The following FRMD4A variants were observed in gnomAD, a reference collection of about 807,000 sequenced individuals.
The protein encoded by FRMD4A is FERM domain containing 4A.
A neutral mutation model predicts 129.1 loss-of-function variants in FRMD4A; 29 were observed. That is an observed-to-expected ratio of 0.22 (90% CI 0.17 to 0.31). The LOEUF (loss-of-function observed/expected upper bound fraction) is 0.31, where lower values mean the gene tolerates loss of function less well. Ranked by LOEUF, FRMD4A falls within the 10% of genes least tolerant of loss-of-function variation. The pLI, the probability that FRMD4A is intolerant of heterozygous loss-of-function variation, is 1.00. For synonymous variants in FRMD4A, 634 were observed against 571.6 expected, an observed-to-expected ratio of 1.11 and a Z score of -1.56; for missense variants, 1,272 against 1,375.8, an observed-to-expected ratio of 0.92 and a Z score of 1.19.
intron 2 of FRMD4A, among the ~76,000 whole-genome samples, chr10:14,060,571 C>G (rs989939388): frequency 6.6e-6 from 1 of 152,086 alleles, no homozygotes; most frequent in African/African-American, 2.4e-5. Flanking sequence ...AAGCACTGGG[C>G]CTATTTTATT....
At chr10:13,674,136 T>C (rs1403324313) in intron 16 of FRMD4A, among the ~76,000 whole-genome samples, 2 of 152,176 alleles carry the variant, frequency 1.3e-5, no homozygotes, top group African/African-American at 4.8e-5. Flanking sequence ...AAACACCAGA[T>C]CACAGGGTCT....
At chr10:14,213,396 A>G (rs1270871535) in intron 2 of FRMD4A, among the ~76,000 whole-genome samples, 2 of 152,216 alleles carry the variant, frequency 1.3e-5, no homozygotes, top group Non-Finnish European at 2.9e-5. Flanking sequence ...CTCAACAGCC[A>G]TGTGAGGTAG....
chr10:14,185,672 G>T (rs1218728299), intron 2 of FRMD4A, among the ~76,000 whole-genome samples: 2 of 152,102 alleles, frequency 1.3e-5, no homozygotes, highest in South Asian at 2.1e-4. Flanking sequence ...GTGCAGATGA[G>T]CAGAAGAGAG....
chr10:14,025,907 C>T (rs1310357023), intron 2 of FRMD4A, among the ~76,000 whole-genome samples: 1 of 152,158 alleles, frequency 6.6e-6, no homozygotes, highest in Non-Finnish European at 1.5e-5. Context: ...AAGAAAGATA[C>T]TGCTTTGGAC....
chr10:13,846,540 G>A (rs1157654314), intron 3 of FRMD4A, among the ~76,000 whole-genome samples: 1 of 152,224 alleles, frequency 6.6e-6, no homozygotes, highest in Non-Finnish European at 1.5e-5. Context: ...TGGTCTACAA[G>A]ACTCTATAGT....
intron 19 of FRMD4A, among the ~76,000 whole-genome samples, chr10:13,661,206 T>C (rs2082615527): frequency 6.6e-6 from 1 of 152,224 alleles, no homozygotes; most frequent in African/African-American, 2.4e-5. Context: ...ACAAAGATTA[T>C]GTATTAATAA....
chr10:13,964,188 G>A (rs1342350031), intron 2 of FRMD4A, among the ~76,000 whole-genome samples: 1 of 149,748 alleles, frequency 6.7e-6, no homozygotes, highest in Admixed American at 6.6e-5. Context: ...GATGACGGAC[G>A]CGGTTTCTAC....
intron 2 of FRMD4A, among the ~76,000 whole-genome samples, chr10:13,958,511 T>C (rs1380134320): frequency 1.3e-5 from 2 of 151,900 alleles, no homozygotes; most frequent in Non-Finnish European, 2.9e-5. Context: ...TCTTGATCTC[T>C]TGACCTTGTG....
intron 2 of FRMD4A, among the ~76,000 whole-genome samples, chr10:14,058,934 T>C (rs1405059310): frequency 8.0e-5 from 4 of 50,172 alleles, no homozygotes; most frequent in Non-Finnish European, 2.9e-4. Context: ...GGTGGGATGA[T>C]CAAGGGAAAA....
chr10:13,873,549 T>G (rs1441288113), intron 2 of FRMD4A, among the ~76,000 whole-genome samples: 1 of 152,180 alleles, frequency 6.6e-6, no homozygotes, highest in African/African-American at 2.4e-5. Context: ...TTATTTAAAT[T>G]AGTTAATTTA....
At chr10:14,179,548 C>T (rs780067108) in intron 2 of FRMD4A, among the ~76,000 whole-genome samples, 5 of 152,082 alleles carry the variant, frequency 3.3e-5, no homozygotes, top group African/African-American at 1.2e-4. Flanking sequence ...TATAAATATC[C>T]GAACCTAGCA....
intron 2 of FRMD4A, among the ~76,000 whole-genome samples, chr10:14,132,773 A>G (rs146694472): frequency 6.6e-4 from 101 of 152,360 alleles, no homozygotes; most frequent in Middle Eastern, 6.8e-3. Context: ...CCCAGCTGCC[A>G]GAGGGCCTGC....
chr10:14,141,045 C>A (rs1461930034), intron 2 of FRMD4A, among the ~76,000 whole-genome samples: 3 of 151,980 alleles, frequency 2.0e-5, no homozygotes, highest in African/African-American at 7.3e-5. Flanking sequence ...GGAGGTGGAG[C>A]ACAGGCCTGG....
At chr10:13,685,985 C>T (rs978593273) in intron 15 of FRMD4A, among the ~76,000 whole-genome samples, 23 of 152,190 alleles carry the variant, frequency 1.5e-4, no homozygotes, top group African/African-American at 5.6e-4. Context: ...ACTCTGTCTC[C>T]CTCTCAATTT....
intron 15 of FRMD4A, 41 bp from the exon 16 acceptor site, chr10:13,675,085 G>C: frequency 6.3e-7 from 1 of 1,582,382 alleles, no homozygotes; most frequent in Non-Finnish European, 8.6e-7. Context: ...GCTGACAGGG[G>C]ACACACATCT....
At chr10:13,743,592 G>A (rs933450919) in intron 9 of FRMD4A, among the ~76,000 whole-genome samples, 13 of 152,258 alleles carry the variant, frequency 8.5e-5, no homozygotes, top group African/African-American at 2.9e-4. Flanking sequence ...AAGCCGCGTC[G>A]CTGTTTAACC....
At chr10:14,012,643 C>T (rs1387723978) in intron 2 of FRMD4A, among the ~76,000 whole-genome samples, 2 of 152,134 alleles carry the variant, frequency 1.3e-5, no homozygotes, top group Non-Finnish European at 2.9e-5. Context: ...GAAGCCAGTG[C>T]CCGCGCGGAT....
intron 22 of FRMD4A, chr10:13,655,567 G>A (rs1269084497): frequency 1.3e-5 from 2 of 151,918 alleles, no homozygotes; most frequent in Non-Finnish European, 2.9e-5. Context: ...ACGGGGATGT[G>A]GGGATAGAAT....
chr10:14,038,022 A>T (rs1213472226), intron 2 of FRMD4A, among the ~76,000 whole-genome samples: 1 of 152,224 alleles, frequency 6.6e-6, no homozygotes, highest in East Asian at 1.9e-4. Context: ...ACTGAAGTCC[A>T]CATTTAAAGG....
Sources: gnomAD v4.1 joint callset for allele counts (sites outside exome capture counted in the v4.1 genomes callset) on GRCh38, gnomAD v4.1.1 for gene constraint, MANE v1.5 for transcripts, NCBI Gene and HGNC (gene_info 2026-07-23, HGNC 2026-07-21) for gene names.